Variants in BCR observed in about 807,000 individuals in gnomAD.
The protein encoded by BCR is BCR activator of RhoGEF and GTPase.
A neutral mutation model predicts 138.6 loss-of-function variants in BCR; 58 were observed. The ratio of observed to expected loss-of-function variants is 0.42; its 90% confidence interval spans 0.34 to 0.52. BCR has a LOEUF of 0.52. BCR is among the 20% of genes least tolerant of loss of function. The pLI is 0.06. For missense variants in BCR, 1,599 were observed against 1,727.2 expected, an observed-to-expected ratio of 0.93 and a Z score of 1.32; for synonymous variants, 786 against 730.1, an observed-to-expected ratio of 1.08 and a Z score of -1.23.
At chr22:23,193,975 G>A (rs1408932079) in intron 1 of BCR, among the ~76,000 whole-genome samples, 4 of 152,236 alleles carry the variant, frequency 2.6e-5, no homozygotes, top group African/African-American at 9.7e-5. Context: ...CCAAGGGTGG[G>A]CTGGCAATGC....
chr22:23,241,720 G>GT (rs2073094681), intron 1 of BCR, among the ~76,000 whole-genome samples: 1 of 152,060 alleles, frequency 6.6e-6, no homozygotes, highest in Admixed American at 6.5e-5. Flanking sequence ...CCCTGCCTGC[G>GT]TTTTTCTACC....
At chr22:23,290,923 C>T (rs766757532) in intron 14 of BCR, 31 of 161,784 alleles carry the variant, frequency 1.9e-4, no homozygotes, top group African/African-American at 4.5e-4. Context: ...GTAAGTTTCT[C>T]GAGGCCGGGC....
chr22:23,238,643 C>T (rs547933785), intron 1 of BCR, among the ~76,000 whole-genome samples: 3 of 152,246 alleles, frequency 2.0e-5, no homozygotes, highest in African/African-American at 7.2e-5. Flanking sequence ...TACCTGTTGC[C>T]ATTTCTGCAT....
chr22:23,182,354 C>A, intron 1 of BCR, 115 bp downstream of exon 1: 1 of 1,241,012 alleles, frequency 8.1e-7, no homozygotes, highest in Non-Finnish European at 1.1e-6. Context: ...TTGAGTGTAT[C>A]AGGTGCACTT....
At chr22:23,279,053 G>A (rs1313305999) in intron 8 of BCR, among the ~76,000 whole-genome samples, 1 of 152,242 alleles carries the variant, frequency 6.6e-6, no homozygotes, top group Non-Finnish European at 1.5e-5. Flanking sequence ...TGGTGGAGCT[G>A]GAGCCTGCTG....
chr22:23,269,362 C>T (rs1298640691), intron 5 of BCR, among the ~76,000 whole-genome samples: 1 of 152,228 alleles, frequency 6.6e-6, no homozygotes, highest in Non-Finnish European at 1.5e-5. Context: ...TTGGCTTTCC[C>T]CCACCCAGCA....
chr22:23,181,508 A>G lies in BCR; in HGVS notation c.548A>G (p.His183Arg). The G allele has an allele frequency of 6.2e-7, 1 of 1,612,396 alleles. No individual in the cohort carries two copies. The highest frequency in any genetic ancestry group is 8.5e-7 in the Non-Finnish European group (1 of 1,179,550). The change falls in exon 1 of 23, where the codon CAC (histidine) becomes CGC (arginine). Residue 183 changes from histidine to arginine, a missense_variant. Transcript: ENST00000305877. ...EKPFYVNVEF[H>R]HERGLVKVND... ...CCCTTCTACGTGAACGTCGAGTTTC[A>G]CCACGAGCGCGGCCTGGTGAAGGTC...
chr22:23,246,875 A>G (rs1473502742), intron 1 of BCR, among the ~76,000 whole-genome samples: 1 of 151,592 alleles, frequency 6.6e-6, no homozygotes, highest in African/African-American at 2.4e-5. Flanking sequence ...TTCTGCTACG[A>G]TAGCCAGCTT....
At chr22:23,259,604 C>T (rs868430692) in intron 2 of BCR, among the ~76,000 whole-genome samples, 1 of 152,052 alleles carries the variant, frequency 6.6e-6, no homozygotes, top group Admixed American at 6.5e-5. Context: ...GCAACCTCCC[C>T]CTCCTGTGTT....
intron 1 of BCR, among the ~76,000 whole-genome samples, chr22:23,241,779 C>T (rs2073095666): frequency 3.3e-5 from 5 of 152,142 alleles, no homozygotes; most frequent in Admixed American, 3.3e-4. Flanking sequence ...CCAGCCCTGC[C>T]CCACCTCCAG....
intron 16 of BCR, among the ~76,000 whole-genome samples, chr22:23,308,463 G>A (rs1402598901): frequency 2.6e-5 from 4 of 152,044 alleles, no homozygotes; most frequent in Admixed American, 6.6e-5. Flanking sequence ...CCACCACCAC[G>A]CCCAGCTAAT....
At chr22:23,261,588 G>A (rs56308748) in intron 4 of BCR, 48 bp downstream of exon 4, 41,888 of 1,583,752 alleles carry the variant, frequency 0.026, 682 homozygotes, top group Non-Finnish European at 0.03. Flanking sequence ...GTACCACCAC[G>A]TCCAGCTAAT....
intron 10 of BCR, among the ~76,000 whole-genome samples, chr22:23,285,518 C>G (rs1408650512): frequency 6.6e-6 from 1 of 152,178 alleles, no homozygotes; most frequent in Admixed American, 6.5e-5. Context: ...GGTGGACTGC[C>G]TCATGCTTAG....
intron 16 of BCR, among the ~76,000 whole-genome samples, chr22:23,305,071 G>A (rs1285084311): frequency 6.6e-6 from 1 of 150,630 alleles, no homozygotes; most frequent in East Asian, 2.0e-4. Flanking sequence ...CCGAGATCTC[G>A]CCACTGCACT....
intron 1 of BCR, among the ~76,000 whole-genome samples, chr22:23,234,128 G>A (rs111734476): frequency 3.3e-5 from 5 of 152,038 alleles, no homozygotes; most frequent in African/African-American, 1.2e-4. Context: ...TGGACTCTCC[G>A]GAGACAGCAA....
chr22:23,206,338 G>A (rs1032535522), intron 1 of BCR, among the ~76,000 whole-genome samples: 19 of 152,168 alleles, frequency 1.2e-4, no homozygotes, highest in Admixed American at 4.6e-4. Context: ...ACTTTGGGAG[G>A]CCAAGGTGGG....
At chr22:23,202,530 G>A (rs1046166356) in intron 1 of BCR, among the ~76,000 whole-genome samples, 1 of 151,834 alleles carries the variant, frequency 6.6e-6, no homozygotes, top group African/African-American at 2.4e-5. Flanking sequence ...CTTCCCCCAC[G>A]CCCAGTCCCT....
intron 1 of BCR, among the ~76,000 whole-genome samples, chr22:23,252,336 G>C (rs1028953360): frequency 6.6e-6 from 1 of 152,028 alleles, no homozygotes; most frequent in African/African-American, 2.4e-5. Flanking sequence ...CACCCCATCA[G>C]ACCCCATGGG....
chr22:23,261,490 G>A lies in BCR; in HGVS notation c.1702G>A (p.Val568Met). 1.9e-6 allele frequency: 3 copies of A among 1,613,436 alleles called. No homozygotes were observed. Among genetic ancestry groups the A allele is most frequent in the Non-Finnish European group, 2.5e-6 (3 of 1,180,010 alleles). The change falls in exon 4 of 23, where the codon GTG becomes ATG. Residue 568 changes from valine to methionine, a missense_variant. Around this residue, in one of 4 missense-constraint regions of BCR, gnomAD observed 590 missense variants for 762.4 expected, o/e 0.77. Transcript: ENST00000305877. The stretch of plus-strand genomic sequence containing the variant: ...GTTCTATGATGGGCTCTTCCCCCGC[G>A]TGCAGCAGTGGAGCCACCAGCAGCG... ...KEFYDGLFPRVQQWSHQQRVG... is the reference protein window; with the variant it reads ...KEFYDGLFPRMQQWSHQQRVG...
Sources: allele counts gnomAD v4.1 joint callset (sites outside exome capture counted in the v4.1 genomes callset), GRCh38; gene constraint gnomAD v4.1.1; regional missense constraint gnomAD v4.1.1; transcripts MANE v1.5; gene names NCBI Gene and HGNC (gene_info 2026-07-23, HGNC 2026-07-21).